The following EBF1 variants were observed in gnomAD, a reference collection of about 807,000 sequenced individuals.
EBF1 encodes transcription factor COE1.
A neutral mutation model predicts 68.4 loss-of-function variants in EBF1; 10 were observed. The ratio of observed to expected loss-of-function variants is 0.15; its 90% confidence interval spans 0.09 to 0.25. The LOEUF (loss-of-function observed/expected upper bound fraction) is 0.25, where lower values mean the gene tolerates loss of function less well. EBF1 is among the 10% of genes least tolerant of loss of function. The pLI is 1.00. For missense variants in EBF1, 509 were observed against 794.4 expected, an observed-to-expected ratio of 0.64 and a Z score of 4.32; for synonymous variants, 298 against 299.8, an observed-to-expected ratio of 0.99 and a Z score of 0.06.
intron 6 of EBF1, among the ~76,000 whole-genome samples, chr5:159,057,465 T>A (rs1381553343): frequency 6.6e-6 from 1 of 152,204 alleles, no homozygotes; most frequent in African/African-American, 2.4e-5. Context: ...ATGCTAGGCC[T>A]TGTTAGAGAT....
chr5:158,807,787 C>T (rs190422191), intron 8 of EBF1, among the ~76,000 whole-genome samples: 78 of 152,230 alleles, frequency 5.1e-4, no homozygotes, highest in African/African-American at 1.8e-3. Flanking sequence ...ATTTTCTATA[C>T]GCAGTTTGAG....
At chr5:158,743,486 C>G (rs1376348195) in intron 10 of EBF1, among the ~76,000 whole-genome samples, 1 of 152,052 alleles carries the variant, frequency 6.6e-6, no homozygotes, top group Non-Finnish European at 1.5e-5. Context: ...TTTTCCAGAT[C>G]GTAGGAGCAA....
chr5:158,710,461 A>G (rs939876199), intron 14 of EBF1, among the ~76,000 whole-genome samples: 4 of 152,184 alleles, frequency 2.6e-5, no homozygotes, highest in African/African-American at 7.2e-5. Context: ...TAAATGGGAG[A>G]ACACTGAAAT....
At chr5:158,969,095 A>G (rs980443450) in intron 6 of EBF1, among the ~76,000 whole-genome samples, 3 of 152,088 alleles carry the variant, frequency 2.0e-5, no homozygotes, top group Non-Finnish European at 4.4e-5. Context: ...TGAGGTCAGG[A>G]GTTCGAGACC....
rs935114750 is a variant in EBF1, at chr5:158,698,904, A to G, written c.*207T>C. 4 of 458,404 alleles carry G rather than the reference A, an allele frequency of 8.7e-6. No individual in the cohort carries two copies. The highest frequency in any genetic ancestry group is 2.0e-5 in the African/African-American group (1 of 49,374). The allele number at this position is 458,404 out of a possible 1,614,324, so 28.4% of individuals were successfully genotyped here. ...ATCCCCCAAATACTTGGGAGGTACAACTTTAACCAACACCCTGCACTTGCA... is the reference window on the plus strand; with the variant it reads ...ATCCCCCAAATACTTGGGAGGTACAGCTTTAACCAACACCCTGCACTTGCA... On this transcript the variant is annotated 3_prime_UTR_variant, in exon 16 of 16. Coordinates refer to ENST00000313708, the MANE Select transcript of EBF1 (RefSeq NM_024007.5).
chr5:158,751,431 G>T (rs1768879506), intron 10 of EBF1, among the ~76,000 whole-genome samples: 1 of 152,090 alleles, frequency 6.6e-6, no homozygotes. Flanking sequence ...GGCAGAGTAA[G>T]CTGTCTGCAG....
chr5:158,707,422 A>C (rs780453696), intron 15 of EBF1: 1 of 220,780 alleles, frequency 4.5e-6, no homozygotes, highest in South Asian at 1.8e-4. Flanking sequence ...GGGTTTCTTA[A>C]TCCCAGTAGG....
intron 6 of EBF1, among the ~76,000 whole-genome samples, chr5:158,969,232 G>A (rs971722396): frequency 3.9e-5 from 6 of 152,162 alleles, no homozygotes; most frequent in Admixed American, 3.3e-4. Flanking sequence ...AACCTGGGGG[G>A]CAGAGGTTTC....
At chr5:158,986,258 A>G (rs1352581992) in intron 6 of EBF1, 1 of 152,198 alleles carries the variant, frequency 6.6e-6, no homozygotes, top group Non-Finnish European at 1.5e-5. Flanking sequence ...TCTTAGTATA[A>G]TAGGTGGAAG....
intron 5 of EBF1, among the ~76,000 whole-genome samples, chr5:159,074,591 T>C (rs952213108): frequency 2.3e-4 from 35 of 152,314 alleles, no homozygotes; most frequent in African/African-American, 8.4e-4. Flanking sequence ...AACCAAATAT[T>C]GAACTTCATC....
intron 8 of EBF1, among the ~76,000 whole-genome samples, chr5:158,813,061 CCTCT>C (rs1240565473): frequency 6.6e-6 from 1 of 152,126 alleles, no homozygotes; most frequent in Non-Finnish European, 1.5e-5. Flanking sequence ...CCCTTACAGC[CCTCT>C]CTAACAGCAT....
intron 6 of EBF1, among the ~76,000 whole-genome samples, chr5:158,921,785 T>C (rs943359645): frequency 1.6e-4 from 24 of 152,216 alleles, no homozygotes; most frequent in African/African-American, 5.8e-4. Flanking sequence ...GCAAGCCCAA[T>C]AATTGGCACA....
chr5:158,807,813 C>T (rs1781879770), intron 8 of EBF1, among the ~76,000 whole-genome samples: 1 of 152,100 alleles, frequency 6.6e-6, no homozygotes, highest in Non-Finnish European at 1.5e-5. Flanking sequence ...AGCTCCTGTT[C>T]CTGAAGGATT....
intron 9 of EBF1, among the ~76,000 whole-genome samples, chr5:158,787,486 C>A (rs1424933241): frequency 6.6e-6 from 1 of 152,024 alleles, no homozygotes; most frequent in African/African-American, 2.4e-5. Flanking sequence ...ACTTTTTTGG[C>A]TTGCTTCTGG....
At chr5:158,764,615 T>G (rs752021678) in intron 10 of EBF1, among the ~76,000 whole-genome samples, 18 of 152,124 alleles carry the variant, frequency 1.2e-4, no homozygotes, top group Non-Finnish European at 2.5e-4. Context: ...AGCAAAGAAA[T>G]AATTCAGATT....
intron 6 of EBF1, among the ~76,000 whole-genome samples, chr5:158,901,307 C>T (rs566813537): frequency 6.6e-6 from 1 of 152,324 alleles, no homozygotes; most frequent in African/African-American, 2.4e-5. Flanking sequence ...CTAAAGCTTG[C>T]TGTCTGAAAA....
At chr5:158,743,824 T>G (rs1242167310) in intron 10 of EBF1, among the ~76,000 whole-genome samples, 1 of 151,976 alleles carries the variant, frequency 6.6e-6, no homozygotes, top group Non-Finnish European at 1.5e-5. Flanking sequence ...ATGCTGGAAT[T>G]TAGGTGCCAG....
At chr5:158,872,183 C>A (rs1466341914) in intron 6 of EBF1, among the ~76,000 whole-genome samples, 1 of 151,064 alleles carries the variant, frequency 6.6e-6, no homozygotes, top group Non-Finnish European at 1.5e-5. Context: ...AAGTAGAAAA[C>A]TTTTGGTCTT....
intron 6 of EBF1, among the ~76,000 whole-genome samples, chr5:158,958,950 C>T (rs760511211): frequency 6.6e-6 from 1 of 152,140 alleles, no homozygotes; most frequent in Non-Finnish European, 1.5e-5. Flanking sequence ...CCACACGATT[C>T]GCACATTACT....
Sources: gnomAD v4.1 joint callset for allele counts (sites outside exome capture counted in the v4.1 genomes callset) on GRCh38, gnomAD v4.1.1 for gene constraint, MANE v1.5 for transcripts, NCBI Gene and HGNC (gene_info 2026-07-23, HGNC 2026-07-21) for gene names.